GTF3C1: variants seen among roughly 807,000 people sequenced by gnomAD.
GTF3C1 encodes the protein general transcription factor 3C polypeptide 1.
A neutral mutation model predicts 226.7 loss-of-function variants in GTF3C1; 57 were observed. The ratio of observed to expected loss-of-function variants is 0.25; its 90% CI spans 0.20 to 0.31. The LOEUF (loss-of-function observed/expected upper bound fraction) is 0.31, where lower values mean the gene tolerates loss of function less well. Among genes scored for constraint, GTF3C1 ranks in the 10% least tolerant of loss-of-function variants. The pLI, the probability that GTF3C1 is intolerant of heterozygous loss-of-function variation, is 1.00. For synonymous variants in GTF3C1, 1,090 were observed against 1,084.8 expected (o/e 1.00, Z -0.09); for missense variants, 2,217 against 2,776.1 (o/e 0.80, Z 4.53).
At chr16:27,547,050 C>T (rs1445592547) in intron 1 of GTF3C1, among the ~76,000 whole-genome samples, 1 of 152,038 alleles carries the variant, frequency 6.6e-6, no homozygotes, top group Non-Finnish European at 1.5e-5. Context: ...CCCAACCCTC[C>T]GTTCTTAAAT....
chr16:27,464,550 G>T lies in GTF3C1; in HGVS notation c.5642C>A (p.Thr1881Asn), dbSNP rs1229783672. 1.3e-6 allele frequency: 2 copies of T among 1,501,176 alleles called. No individual in the cohort carries two copies. The highest frequency in any genetic ancestry group is 1.4e-5 in the South Asian group (1 of 73,710). The allele number at this position is 1,501,176 out of a possible 1,614,324, so 93.0% of individuals were successfully genotyped here. The part of the protein sequence containing the change: ...GETDAEGTQM[T>N]PAKRPALQDS... ...CTGGAGCGCTGGCCTCTTGGCAGGG[G>T]TCATCTGGGTGCCCTCGGCGTCGGT... is the stretch of plus-strand genomic sequence containing the variant. Residue 1881 changes from threonine to asparagine, a missense_variant, in exon 34 of 37, where the codon ACC (threonine) becomes AAC (asparagine). Coordinates refer to ENST00000356183, the MANE Select transcript of GTF3C1 (RefSeq NM_001520.4).
At chr16:27,519,721 GA>G (rs549134035) in intron 6 of GTF3C1, among the ~76,000 whole-genome samples, 96 of 151,684 alleles carry the variant, frequency 6.3e-4, no homozygotes, top group African/African-American at 2.3e-3. Context: ...GCAAACAAAA[GA>G]AAAAAGAGAG....
Position 27,478,743 on chromosome 16 carries a change from T to C in GTF3C1, c.4197-212A>G, listed in dbSNP as rs888350434. 50 of 586,292 alleles carry C rather than the reference T, an allele frequency of 8.5e-5. 1 individual carries two copies. In the South Asian group the frequency reaches 9.4e-4, roughly 11 times the overall value. The allele number at this position is 586,292 out of a possible 1,614,324, so 36.3% of individuals were successfully genotyped here. On this transcript the variant is annotated intron_variant, in intron 27 of 36. Coordinates refer to ENST00000356183, the MANE Select transcript of GTF3C1 (RefSeq NM_001520.4). ...AAAGGAGGGCTGAGAAAATGTGCAATGTTCACTCACCGACAATTATGTGGC... is the reference window on the plus strand; with the variant it reads ...AAAGGAGGGCTGAGAAAATGTGCAACGTTCACTCACCGACAATTATGTGGC...
intron 24 of GTF3C1, 34 bp downstream of exon 24, chr16:27,485,963 G>A (rs201611302): frequency 1.3e-6 from 2 of 1,502,178 alleles, no homozygotes; most frequent in Admixed American, 1.9e-5. Flanking sequence ...CCGAGTGAGG[G>A]GCAGGCCCAC....
rs1384020095 is a variant in GTF3C1 at position 27,494,797 on chromosome 16, G to T, written c.2744C>A (p.Ser915Tyr). The change falls in exon 16 of 37, where the codon TCC becomes TAC. Residue 915 changes from serine (S) to tyrosine (Y), a missense_variant. By Grantham distance (144) the Ser-to-Tyr change is moderately radical (BLOSUM62 -2). Around this residue, in one of 12 missense-constraint regions of GTF3C1, gnomAD observed 353 missense variants for 411.7 expected, o/e 0.86. Coordinates refer to ENST00000356183, the MANE Select transcript of GTF3C1 (RefSeq NM_001520.4). ...GACTTGCACAATCTGGATGAAGATG[G>T]AGAGGGGAAGGCAGAGGAGGATGTC... ...VSDILLCLPL[S>Y]IFIQIVQVSY... is the part of the protein sequence containing the mutation. 6.2e-7 allele frequency: 1 copy of T among 1,612,784 alleles called. No individual in the cohort carries two copies. Among genetic ancestry groups the T allele is most frequent in the Non-Finnish European group, 8.5e-7 (1 of 1,178,856 alleles).
At chr16:27,531,806 C>G (rs1421428450) in intron 5 of GTF3C1, among the ~76,000 whole-genome samples, 1 of 152,130 alleles carries the variant, frequency 6.6e-6, no homozygotes, top group Non-Finnish European at 1.5e-5. Flanking sequence ...AACATTAATC[C>G]ACACGGTGGC....
At chr16:27,520,021 G>A (rs897863125) in intron 6 of GTF3C1, among the ~76,000 whole-genome samples, 17 of 152,194 alleles carry the variant, frequency 1.1e-4, no homozygotes, top group Admixed American at 7.2e-4. Flanking sequence ...GGGTAAGGTG[G>A]GAGGATTGCT....
Position 27,502,058 on chromosome 16 carries a change from C to T in GTF3C1, c.1908-714G>A, listed in dbSNP as rs966213465. On this transcript the variant is annotated intron_variant, in intron 11 of 36. Coordinates refer to ENST00000356183, the MANE Select transcript of GTF3C1 (RefSeq NM_001520.4). ...TGCAGTGAGCCGAGATTGCATCATG[C>T]ACTCTAGCCTGGGTGTCAGAGTGAG... Among the ~76,000 whole-genome samples, 28 of 151,120 alleles carry T rather than the reference C, an allele frequency of 1.9e-4. 1 individual carries two copies. The highest frequency in any genetic ancestry group is 6.8e-4 in the African/African-American group (28 of 40,962).
chr16:27,545,432 C>T lies in GTF3C1; in HGVS notation c.313G>A (p.Glu105Lys), dbSNP rs1449153836. The change falls in exon 2 of 37, where the codon GAG becomes AAG. Residue 105 changes from glutamate (E) to lysine (K), a missense_variant. Physicochemically the swap from Glu to Lys is moderately conservative, Grantham distance 56. Coordinates refer to ENST00000356183, the MANE Select transcript of GTF3C1 (RefSeq NM_001520.4). The stretch of plus-strand genomic sequence containing the variant: ...GAGCCCTGGATGCCATCCTTATTCT[C>T]TAAGATCATATGAATGGGGTAGACA... Reference protein sequence around the residue: ...EDVYPIHMILENKDGIQGSCR... With the variant: ...EDVYPIHMILKNKDGIQGSCR... 6.2e-7 allele frequency: 1 copy of T among 1,611,906 alleles called. No homozygotes were observed. Among genetic ancestry groups the T allele is most frequent in the Admixed American group, 1.7e-5 (1 of 60,018 alleles).
intron 2 of GTF3C1, among the ~76,000 whole-genome samples, chr16:27,541,517 A>T (rs927973143): frequency 6.6e-6 from 1 of 152,234 alleles, no homozygotes; most frequent in Non-Finnish European, 1.5e-5. Flanking sequence ...CCTTTGAGCA[A>T]CGTATAATCT....
At chr16:27,472,634 G>A (rs956661284) in intron 29 of GTF3C1, among the ~76,000 whole-genome samples, 2 of 152,076 alleles carry the variant, frequency 1.3e-5, no homozygotes, top group Admixed American at 6.6e-5. Flanking sequence ...ACCACCCCTC[G>A]CTCACTGCCC....
intron 5 of GTF3C1, among the ~76,000 whole-genome samples, chr16:27,530,716 C>A (rs1037262784): frequency 2.0e-5 from 3 of 152,170 alleles, no homozygotes; most frequent in Non-Finnish European, 2.9e-5. Flanking sequence ...CTCTTTCTGA[C>A]CTATTTATTC....
At chr16:27,501,165 T>TG in intron 12 of GTF3C1, 26 bp downstream of exon 12, 1 of 1,594,266 alleles carries the variant, frequency 6.3e-7, no homozygotes, top group South Asian at 1.1e-5. Flanking sequence ...AGGCTGGCTC[T>TG]GGGCATCGGG....
At position 27,463,682 on chromosome 16, in the gene GTF3C1, C is replaced by A; in HGVS notation, c.5873-90G>T. The A allele has an allele frequency of 1.3e-6, 1 of 790,946 alleles. No homozygotes were observed. The highest frequency in any genetic ancestry group is 2.4e-5 in the East Asian group (1 of 41,166). 49.0% of individuals were successfully genotyped at this position (790,946 alleles called of 1,614,324 possible). A position where few individuals can be genotyped will look rare whatever the true frequency, so the allele number is the denominator to read the frequency against. On this transcript the variant is annotated intron_variant, in intron 34 of 36. Transcript: ENST00000356183. This position sits in a 1 kb window ranked among gnomAD's most constrained non-coding sequence, Gnocchi z 4.9. ...CCTTCAGCATGGTACCTAGCATGAG[C>A]AGGGCACCTCGAGGCTCAGGGGATG... is the stretch of plus-strand genomic sequence containing the variant.
chr16:27,545,553 C>T lies in GTF3C1; in HGVS notation c.222-30G>A, dbSNP rs772737024. 7.1e-6 allele frequency: 9 copies of T among 1,271,826 alleles called. No individual in the cohort carries two copies. In the South Asian group the frequency reaches 9.5e-5, roughly 13 times the overall value. The allele number at this position is 1,271,826 out of a possible 1,614,324, so 78.8% of individuals were successfully genotyped here. A position where few individuals can be genotyped will look rare whatever the true frequency, so the allele number is the denominator to read the frequency against. On this transcript the variant is annotated intron_variant, in intron 1 of 36. Transcript: ENST00000356183. ...GGAGAAAAACACAAATATCAAAGCC[C>T]AACTCAGCTTCAGATATAATGTGTG...
At chr16:27,509,697 G>A (rs1310888884) in intron 7 of GTF3C1, among the ~76,000 whole-genome samples, 3 of 147,904 alleles carry the variant, frequency 2.0e-5, no homozygotes, top group Non-Finnish European at 4.4e-5. Flanking sequence ...GGCGGAGCTT[G>A]CAGTGAGCCG....
chr16:27,520,021 G>T (rs897863125), intron 6 of GTF3C1, among the ~76,000 whole-genome samples: 6 of 152,194 alleles, frequency 3.9e-5, no homozygotes, highest in Non-Finnish European at 8.8e-5. Context: ...GGGTAAGGTG[G>T]GAGGATTGCT....
chr16:27,546,786 A>C (rs1049039062), intron 1 of GTF3C1, among the ~76,000 whole-genome samples: 4 of 150,894 alleles, frequency 2.7e-5, no homozygotes, highest in African/African-American at 9.8e-5. Context: ...TTTTTTTAAG[A>C]CTTGAGTTTT....
chr16:27,469,403 G>A lies in GTF3C1; in HGVS notation c.4962C>T (p.Pro1654=), dbSNP rs138260685. The A allele has an allele frequency of 1.3e-4, 215 of 1,613,786 alleles. No individual in the cohort carries two copies. In the African/African-American group the frequency reaches 2.2e-3, roughly 17 times the overall value. The change falls in exon 32 of 37, where the codon CCC becomes CCT. Residue 1654 remains proline (P), a synonymous_variant. Coordinates refer to ENST00000356183, the MANE Select transcript of GTF3C1 (RefSeq NM_001520.4). This position sits in a 1 kb window ranked among gnomAD's most constrained non-coding sequence, Gnocchi z 4.5. Reference sequence around the variant, plus strand: ...TGAGGTTGCGGGTGCTGACGATGCCGGGGGAGTAGTAGCCCCTCATCAGCA... The same window carrying A: ...TGAGGTTGCGGGTGCTGACGATGCCAGGGGAGTAGTAGCCCCTCATCAGCA... ...NYLLMRGYYS[P]GIVSTRNLNP...
Sources: gnomAD v4.1 joint callset for allele counts (sites outside exome capture counted in the v4.1 genomes callset) on GRCh38, gnomAD v4.1.1 for gene constraint, gnomAD v4.1.1 regional missense constraint, Gnocchi (gnomAD v3.1) non-coding constraint, MANE v1.5 for transcripts, NCBI Gene and HGNC (gene_info 2026-07-23, HGNC 2026-07-21) for gene names.